The following RNLS variants were observed in gnomAD, a reference collection of about 807,000 sequenced individuals.
RNLS encodes the protein renalase.
Under a neutral mutation model 39.8 loss-of-function variants are expected in RNLS, and 39 were observed. That is an observed-to-expected ratio of 0.98 (90% CI 0.76 to 1.28). RNLS has a LOEUF of 1.28. Among genes scored for constraint, RNLS ranks in the 50% most tolerant of loss-of-function variants. RNLS has a pLI of 0.00. For synonymous variants in RNLS, 147 were observed against 150.7 expected (o/e 0.98, Z 0.18); for missense variants, 410 against 413.3 (o/e 0.99, Z 0.07).
chr10:88,200,612 C>A, the RNLS span, among the ~76,000 whole-genome samples: 6 of 152,180 alleles, frequency 3.9e-5, no homozygotes, highest in Admixed American at 3.9e-4. Context: ...TTCTCCATAG[C>A]AATGTTTAAA....
chr10:88,406,417 T>G (rs1853275387), intron 4 of RNLS, among the ~76,000 whole-genome samples: 1 of 152,132 alleles, frequency 6.6e-6, no homozygotes, highest in Non-Finnish European at 1.5e-5. Flanking sequence ...TTTGTTCATA[T>G]TTTCTTATTC....
At chr10:88,469,927 C>T (rs77228063) in intron 4 of RNLS, among the ~76,000 whole-genome samples, 6 of 76,158 alleles carry the variant, frequency 7.9e-5, no homozygotes, top group Non-Finnish European at 1.6e-4. Flanking sequence ...CATATATATA[C>T]AAAGTATATG....
chr10:88,545,637 T>G (rs1402552365), intron 4 of RNLS, among the ~76,000 whole-genome samples: 1 of 152,142 alleles, frequency 6.6e-6, no homozygotes, highest in African/African-American at 2.4e-5. Flanking sequence ...ATTGGAGAAC[T>G]GGGTGGGGAC....
At chr10:88,273,309 T>A (rs990819597), downstream of RNLS, among the ~76,000 whole-genome samples, 20 of 152,270 alleles carry the variant, frequency 1.3e-4, no homozygotes, top group Admixed American at 4.6e-4. Flanking sequence ...GAAATGAAAA[T>A]TTTTTAAAAT....
Position 88,574,647 on chromosome 10 carries a change from T to C in RNLS, c.368-1586A>G, listed in dbSNP as rs78121194. 7.6e-3 allele frequency among the ~76,000 whole-genome samples: 1,159 copies of C among 152,256 alleles called. 23 individuals are homozygous for C. Among genetic ancestry groups the C allele is most frequent in the African/African-American group, 0.027 (1,113 of 41,536 alleles). On this transcript the variant is annotated intron_variant, in intron 3 of 6. Transcript: ENST00000331772. ...GCACTCCAGTTTTTAAAAAATCAAATGTAAATGTTAGAAGAAACATAGTTC... is the reference window on the plus strand; with the variant it reads ...GCACTCCAGTTTTTAAAAAATCAAACGTAAATGTTAGAAGAAACATAGTTC...
At chr10:88,401,891 CT>C (rs1852943593) in intron 4 of RNLS, among the ~76,000 whole-genome samples, 1 of 151,954 alleles carries the variant, frequency 6.6e-6, no homozygotes, top group Non-Finnish European at 1.5e-5. Flanking sequence ...TCATTAAGGT[CT>C]TATGGTGCTA....
intron 6 of RNLS, among the ~76,000 whole-genome samples, chr10:88,314,246 AG>A (rs1845587780): frequency 1.3e-5 from 2 of 152,170 alleles, no homozygotes; most frequent in Non-Finnish European, 2.9e-5. Flanking sequence ...TTGAATTTGA[AG>A]ACAACATTGG....
rs180671094 is a variant in RNLS, at chr10:88,445,172, G to A, written c.527-82447C>T. Among the ~76,000 whole-genome samples the A allele has an allele frequency of 8.3e-4, 127 of 152,182 alleles. 1 individual carries two copies. The highest frequency in any genetic ancestry group is 2.9e-3 in the African/African-American group (119 of 41,552). On this transcript the variant is annotated intron_variant, in intron 4 of 6. Transcript: ENST00000331772. ...GAGTGAGGACCAACATTCAACATTC[G>A]TAAAGAAAAGAATTTTCAAGCCAGA...
chr10:88,553,568 T>C lies in RNLS; in HGVS notation c.526+19335A>G, dbSNP rs151013706. Among the ~76,000 whole-genome samples, 589 of 152,318 alleles carry C rather than the reference T, an allele frequency of 3.9e-3. 2 individuals are homozygous for C. Among genetic ancestry groups the C allele is most frequent in the Middle Eastern group, 0.027 (8 of 294 alleles). ...TTTATATAGTACACAATTGTAGTCA[T>C]GACAAAGCACAGTCTCCATGAGCAC... On this transcript the variant is annotated intron_variant, in intron 4 of 6. Coordinates refer to ENST00000331772, the MANE Select transcript of RNLS (RefSeq NM_001031709.3).
At chr10:88,574,002 A>G (rs184474074) in intron 3 of RNLS, among the ~76,000 whole-genome samples, 119 of 151,810 alleles carry the variant, frequency 7.8e-4, no homozygotes, top group African/African-American at 2.7e-3. Flanking sequence ...CTAGCTGGGT[A>G]TGGTAGTGCA....
At chr10:88,402,465 T>C (rs138033132) in intron 4 of RNLS, among the ~76,000 whole-genome samples, 2 of 152,116 alleles carry the variant, frequency 1.3e-5, no homozygotes, top group Admixed American at 6.6e-5. Flanking sequence ...TGCTGAGACA[T>C]ACTCTAACAA....
At chr10:88,446,819 T>A (rs1440460991) in intron 4 of RNLS, among the ~76,000 whole-genome samples, 2 of 152,136 alleles carry the variant, frequency 1.3e-5, no homozygotes, top group Non-Finnish European at 2.9e-5. Flanking sequence ...CCCACCATGA[T>A]CAAGTGGGCT....
At chr10:88,246,390 A>G in the RNLS span, among the ~76,000 whole-genome samples, 1 of 152,130 alleles carries the variant, frequency 6.6e-6, no homozygotes, top group Non-Finnish European at 1.5e-5. Context: ...GCCAGCTTAG[A>G]GCCTGTGAAG....
intron 5 of RNLS, among the ~76,000 whole-genome samples, chr10:88,333,884 G>A (rs938888507): frequency 3.3e-5 from 5 of 152,110 alleles, no homozygotes; most frequent in African/African-American, 7.2e-5. Flanking sequence ...GCAAGAAGTC[G>A]CCACCTCTGA....
chr10:88,229,468 G>A, the RNLS span, among the ~76,000 whole-genome samples: 1 of 152,120 alleles, frequency 6.6e-6, no homozygotes, highest in Non-Finnish European at 1.5e-5. Context: ...CTCCTTAGCA[G>A]TCTTCCCTTT....
At chr10:88,450,733 G>T (rs934980209) in intron 4 of RNLS, among the ~76,000 whole-genome samples, 1 of 152,238 alleles carries the variant, frequency 6.6e-6, no homozygotes, top group Non-Finnish European at 1.5e-5. Flanking sequence ...ACTGACCCTG[G>T]AAATGACTTG....
chr10:88,555,788 G>A (rs1333848680), intron 4 of RNLS, among the ~76,000 whole-genome samples: 1 of 152,016 alleles, frequency 6.6e-6, no homozygotes, highest in Non-Finnish European at 1.5e-5. Context: ...CTTGGCCTAT[G>A]GGACAACATA....
intron 6 of RNLS, among the ~76,000 whole-genome samples, chr10:88,303,669 C>A (rs879475378): frequency 6.6e-6 from 1 of 152,196 alleles, no homozygotes; most frequent in Non-Finnish European, 1.5e-5. Context: ...CTCCCCCTAC[C>A]AATCACCATT....
the RNLS span, among the ~76,000 whole-genome samples, chr10:88,175,380 A>G: frequency 6.6e-6 from 1 of 152,132 alleles, no homozygotes; most frequent in African/African-American, 2.4e-5. Context: ...GTAGGCATTT[A>G]CTGCTATAAA....
Sources: gnomAD v4.1 joint callset for allele counts (sites outside exome capture counted in the v4.1 genomes callset) on GRCh38, gnomAD v4.1.1 for gene constraint, MANE v1.5 for transcripts, NCBI Gene and HGNC (gene_info 2026-07-23, HGNC 2026-07-21) for gene names.